Variants in TEX9 observed in about 807,000 individuals in gnomAD.
The protein encoded by TEX9 is testis-expressed protein 9.
TEX9 carries 74 observed loss-of-function variants against 59.6 expected under a neutral mutation model. The observed-to-expected ratio is 1.24, with a 90% CI of 1.03 to 1.51. TEX9 has a LOEUF of 1.51. Ranked by LOEUF, TEX9 falls within the 40% of genes most tolerant of loss-of-function variation. The pLI is 0.00. For synonymous variants in TEX9, 186 were observed against 152.2 expected (o/e 1.22, Z -1.64); for missense variants, 522 against 447.8 (o/e 1.17, Z -1.49).
chr15:56,408,182 T>C (rs2049169629), intron 9 of TEX9, among the ~76,000 whole-genome samples: 1 of 152,168 alleles, frequency 6.6e-6, no homozygotes, highest in Admixed American at 6.5e-5. Context: ...TCATGTGCCA[T>C]TTTCTCCTGA....
At chr15:56,418,605 T>A (rs2140204305) in intron 10 of TEX9, among the ~76,000 whole-genome samples, 1 of 151,546 alleles carries the variant, frequency 6.6e-6, no homozygotes, top group Admixed American at 6.6e-5. Context: ...GAGCCAAGAT[T>A]GCACCACTGC....
chr15:56,441,973 T>C (rs564072232), intron 12 of TEX9, among the ~76,000 whole-genome samples: 22 of 151,824 alleles, frequency 1.4e-4, no homozygotes, highest in Non-Finnish European at 2.6e-4. Context: ...TGAGCCGAGA[T>C]CACGCCACTG....
intron 1 of TEX9, among the ~76,000 whole-genome samples, chr15:56,256,929 C>G (rs2044157628): frequency 1.3e-5 from 2 of 151,808 alleles, no homozygotes; most frequent in African/African-American, 2.4e-5. Flanking sequence ...TTGATCCTCT[C>G]CCTCCTCCCA....
At chr15:56,404,084 C>T (rs1440894848) in intron 9 of TEX9, among the ~76,000 whole-genome samples, 1 of 152,186 alleles carries the variant, frequency 6.6e-6, no homozygotes, top group Non-Finnish European at 1.5e-5. Flanking sequence ...AAGGACACTT[C>T]ATGACTAAAA....
At chr15:56,431,972 T>G (rs1194550856) in intron 12 of TEX9, among the ~76,000 whole-genome samples, 1 of 152,118 alleles carries the variant, frequency 6.6e-6, no homozygotes, top group Non-Finnish European at 1.5e-5. Context: ...TGCTCACTCT[T>G]AAATAATCAC....
chr15:56,365,330 C>A, upstream of TEX9: 1 of 1,350,772 alleles, frequency 7.4e-7, no homozygotes, highest in Non-Finnish European at 9.9e-7. Flanking sequence ...GCTCGCGCCG[C>A]TCGCAGCACA....
intron 9 of TEX9, among the ~76,000 whole-genome samples, chr15:56,407,390 G>C (rs1173036317): frequency 6.6e-6 from 1 of 152,010 alleles, no homozygotes; most frequent in African/African-American, 2.4e-5. Flanking sequence ...ATGGATACAA[G>C]TCTATTCTGA....
At chr15:56,298,113 C>A (rs2045259495) in intron 1 of TEX9, among the ~76,000 whole-genome samples, 1 of 152,202 alleles carries the variant, frequency 6.6e-6, no homozygotes, top group African/African-American at 2.4e-5. Context: ...CTGCATGGAA[C>A]AATTATGGCT....
chr15:56,249,570 T>C (rs775255896), intron 1 of TEX9, among the ~76,000 whole-genome samples: 1 of 151,302 alleles, frequency 6.6e-6, no homozygotes, highest in African/African-American at 2.4e-5. Flanking sequence ...AAACCCCGTT[T>C]CTACTAAAAA....
At position 56,443,338 on chromosome 15, in the gene TEX9, T is replaced by C. The variant is rs1402047069; in HGVS notation, c.*30-2333T>C. On this transcript the variant is annotated intron_variant, in intron 12 of 12. Coordinates refer to ENST00000352903, the Ensembl canonical transcript of TEX9. ...TTTACATATAATGTAATTACCAGTA[T>C]GGTTGGATTTAAATGTACTATCTCT... The C allele has an allele frequency of 1.1e-5, 10 of 896,048 alleles. No homozygotes were observed. The African/African-American group carries it at 1.4e-4, about 12-fold the overall frequency. 55.5% of individuals were successfully genotyped at this position (896,048 alleles called of 1,614,324 possible).
At chr15:56,257,693 C>T (rs1161562481) in intron 1 of TEX9, among the ~76,000 whole-genome samples, 3 of 152,010 alleles carry the variant, frequency 2.0e-5, no homozygotes, top group Non-Finnish European at 2.9e-5. Context: ...GATATTAGAT[C>T]TTTGTTAGAT....
intron 1 of TEX9, among the ~76,000 whole-genome samples, chr15:56,261,578 C>T (rs184406854): frequency 2.6e-4 from 40 of 152,042 alleles, no homozygotes; most frequent in African/African-American, 8.7e-4. Flanking sequence ...ATTAGCCAGG[C>T]GCAGTAGCAT....
chr15:56,334,625 A>C (rs193141606), intron 1 of TEX9, among the ~76,000 whole-genome samples: 168 of 152,256 alleles, frequency 1.1e-3, no homozygotes, highest in African/African-American at 3.8e-3. Flanking sequence ...CCATAAACAC[A>C]GGCAACCAAA....
intron 1 of TEX9, among the ~76,000 whole-genome samples, chr15:56,256,914 T>A (rs2044157322): frequency 2.6e-5 from 4 of 152,018 alleles, no homozygotes; most frequent in Admixed American, 2.6e-4. Flanking sequence ...ATTACTTATT[T>A]TTTTTTGATC....
chr15:56,263,307 G>C (rs1179557049), intron 1 of TEX9, among the ~76,000 whole-genome samples: 1 of 152,190 alleles, frequency 6.6e-6, no homozygotes, highest in South Asian at 2.1e-4. Context: ...ACAGGCGTGA[G>C]CCACCGTGCC....
chr15:56,411,063 A>G (rs1439527928), intron 9 of TEX9, among the ~76,000 whole-genome samples: 1 of 152,208 alleles, frequency 6.6e-6, no homozygotes. Flanking sequence ...TAGCCAGGAA[A>G]AAATTATAAA....
At chr15:56,257,796 A>G (rs2044177716) in intron 1 of TEX9, among the ~76,000 whole-genome samples, 1 of 152,114 alleles carries the variant, frequency 6.6e-6, no homozygotes, top group Admixed American at 6.6e-5. Flanking sequence ...TAGTTTAATT[A>G]GATCCCATTT....
chr15:56,278,646 A>G (rs1193296865), intron 1 of TEX9, among the ~76,000 whole-genome samples: 1 of 152,166 alleles, frequency 6.6e-6, no homozygotes, highest in Non-Finnish European at 1.5e-5. Flanking sequence ...CTTAAACACT[A>G]TATTTATTCT....
chr15:56,370,285 T>C (rs1267079054), intron 2 of TEX9, among the ~76,000 whole-genome samples: 1 of 152,156 alleles, frequency 6.6e-6, no homozygotes, highest in African/African-American at 2.4e-5. Flanking sequence ...TATTTTACTT[T>C]GTTGTTTTGA....
Sources: gnomAD v4.1 joint callset for allele counts (sites outside exome capture counted in the v4.1 genomes callset) on GRCh38, gnomAD v4.1.1 for gene constraint, MANE v1.5 for transcripts, NCBI Gene and HGNC (gene_info 2026-07-23, HGNC 2026-07-21) for gene names.